IGSF10: variants seen among roughly 807,000 people sequenced by gnomAD.
IGSF10 encodes the protein calvaria mechanical force protein 608.
A neutral mutation model predicts 128.2 loss-of-function variants in IGSF10; 126 were observed. The ratio of observed to expected loss-of-function variants is 0.98; its 90% CI spans 0.85 to 1.14. IGSF10 has a LOEUF of 1.14. IGSF10 is among the 50% of genes most tolerant of loss of function. IGSF10 has a pLI of 0.00. For missense variants in IGSF10, 3,295 were observed against 3,149.8 expected (o/e 1.05, Z -1.10); for synonymous variants, 1,185 against 1,146.2 (o/e 1.03, Z -0.68).
chr3:151,612,258 A>T, the IGSF10 span, among the ~76,000 whole-genome samples: 1 of 152,182 alleles, frequency 6.6e-6, no homozygotes, highest in Non-Finnish European at 1.5e-5. Context: ...AATGAATTGA[A>T]AAACATTTCC....
the IGSF10 span, among the ~76,000 whole-genome samples, chr3:151,539,813 T>TATCA: frequency 1.4e-5 from 2 of 143,612 alleles, no homozygotes; most frequent in African/African-American, 2.6e-5. Context: ...TCTATCTATC[T>TATCA]ATCATCTATC....
chr3:151,435,552 T>TA (rs1392813050), downstream of IGSF10: 2 of 152,142 alleles, frequency 1.3e-5, no homozygotes, highest in African/African-American at 4.8e-5. Flanking sequence ...TTATTAGTAA[T>TA]TCTCGGTTTT....
In IGSF10 at chr3:151,446,687, TGGG is replaced by T. The variant is rs1721214435; in HGVS notation, c.3291_3293del (p.Pro1098del). ...GGACTAGAGTTGTAGACTCTTCTGATGGGACTCTAGCAATGTCAGCTTTGGGGA... is the reference window on the plus strand; with the variant it reads ...GGACTAGAGTTGTAGACTCTTCTGATACTCTAGCAATGTCAGCTTTGGGGA... On this transcript the variant is annotated inframe_deletion, in exon 6 of 8. Transcript: ENST00000282466. 10 of 1,613,986 alleles carry T rather than the reference TGGG, an allele frequency of 6.2e-6. No individual in the cohort carries two copies. Among genetic ancestry groups the T allele is most frequent in the African/African-American group, 1.3e-5 (1 of 74,926 alleles).
chr3:151,448,653 G>A lies in IGSF10; in HGVS notation c.1328C>T (p.Thr443Ile), dbSNP rs768865681. 9 of 1,613,928 alleles carry A rather than the reference G, an allele frequency of 5.6e-6. No individual in the cohort carries two copies. Among genetic ancestry groups the A allele is most frequent in the Non-Finnish European group, 7.6e-6 (9 of 1,179,992 alleles). Residue 443 changes from threonine (T) to isoleucine (I), a missense_variant, in exon 6 of 8, where the codon ACC becomes ATC. Coordinates refer to ENST00000282466, the MANE Select transcript of IGSF10 (RefSeq NM_178822.5). The stretch of plus-strand genomic sequence containing the variant: ...CTGGATCTGTAATGTACTGAATGTG[G>A]TGGCAGTTCTGTTCAGCTGCAAGGA... ...QISLQLNRTA[T>I]TFSTLQIQYS...
chr3:151,577,648 A>C, the IGSF10 span, among the ~76,000 whole-genome samples: 1 of 151,976 alleles, frequency 6.6e-6, no homozygotes, highest in Admixed American at 6.6e-5. Flanking sequence ...CTAAACCAAC[A>C]CCAATAAAAA....
At chr3:151,610,482 A>T in the IGSF10 span, among the ~76,000 whole-genome samples, 425 of 152,328 alleles carry the variant, frequency 2.8e-3, no homozygotes, top group African/African-American at 9.5e-3. Context: ...TATAGGTGTG[A>T]TAGCTAGTCA....
chr3:151,532,113 C>G, the IGSF10 span, among the ~76,000 whole-genome samples: 1 of 152,204 alleles, frequency 6.6e-6, no homozygotes, highest in African/African-American at 2.4e-5. Flanking sequence ...ATACACCCTC[C>G]CAAGACTAAA....
At chr3:151,444,230 C>T (rs1252900900) in intron 6 of IGSF10, among the ~76,000 whole-genome samples, 1 of 152,006 alleles carries the variant, frequency 6.6e-6, no homozygotes. Context: ...CACTGCACTC[C>T]ACCCTAGGTG....
Position 151,438,563 on chromosome 3 carries a change from A to G in IGSF10, c.5998T>C (p.Ser2000Pro). 6.2e-7 allele frequency: 1 copy of G among 1,613,746 alleles called. No homozygotes were observed. Among genetic ancestry groups the G allele is most frequent in the Non-Finnish European group, 8.5e-7 (1 of 1,180,002 alleles). Residue 2000 changes from serine to proline, a missense_variant, in exon 8 of 8, where the codon TCC becomes CCC. Physicochemically the swap from Ser to Pro is moderately conservative, Grantham distance 74 (BLOSUM62 -1). Coordinates refer to ENST00000282466, the MANE Select transcript of IGSF10 (RefSeq NM_178822.5). ...TCTGTTACTGATCCAATAAACAGGG[A>G]TCCATTAGGGTAGACGTGGATCCAG... ...GSWIHVYPNG[S>P]LFIGSVTEKD... is the part of the protein sequence containing the mutation.
the IGSF10 span, among the ~76,000 whole-genome samples, chr3:151,591,142 G>T: frequency 6.6e-6 from 1 of 151,982 alleles, no homozygotes; most frequent in East Asian, 1.9e-4. Flanking sequence ...TTCCCAAAAT[G>T]TCAGAACATT....
At chr3:151,599,838 T>C in the IGSF10 span, among the ~76,000 whole-genome samples, 1 of 152,324 alleles carries the variant, frequency 6.6e-6, no homozygotes, top group East Asian at 1.9e-4. Flanking sequence ...CCTGACTCTT[T>C]ACAGAATAAG....
chr3:151,549,969 C>T, the IGSF10 span, among the ~76,000 whole-genome samples: 1 of 151,818 alleles, frequency 6.6e-6, no homozygotes, highest in Non-Finnish European at 1.5e-5. Flanking sequence ...AATAAATATA[C>T]ATGTTGATTG....
the IGSF10 span, among the ~76,000 whole-genome samples, chr3:151,507,427 T>C: frequency 1.3e-5 from 2 of 152,200 alleles, no homozygotes; most frequent in Non-Finnish European, 2.9e-5. Context: ...TCTTAAAATA[T>C]CTGAGTAATC....
At chr3:151,515,380 A>G in the IGSF10 span, among the ~76,000 whole-genome samples, 23 of 149,374 alleles carry the variant, frequency 1.5e-4, no homozygotes, top group East Asian at 3.4e-3. Flanking sequence ...AGAAAAACCA[A>G]ACACCGCATA....
the IGSF10 span, among the ~76,000 whole-genome samples, chr3:151,498,955 T>C: frequency 2.0e-5 from 3 of 152,164 alleles, no homozygotes; most frequent in South Asian, 2.1e-4. Context: ...TTGTTTTTAA[T>C]AGGATTTTTT....
At chr3:151,510,691 A>C in the IGSF10 span, among the ~76,000 whole-genome samples, 1 of 152,218 alleles carries the variant, frequency 6.6e-6, no homozygotes, top group Non-Finnish European at 1.5e-5. Flanking sequence ...GTGTGAACCA[A>C]TGGCAAAGAA....
At chr3:151,463,521 TG>T (rs1169812257), upstream of IGSF10, among the ~76,000 whole-genome samples, 1 of 136,056 alleles carries the variant, frequency 7.3e-6, no homozygotes, top group Non-Finnish European at 1.5e-5. Flanking sequence ...TTACATTTTC[TG>T]GTTTTTTTTT....
the IGSF10 span, among the ~76,000 whole-genome samples, chr3:151,570,400 T>C: frequency 6.6e-6 from 1 of 152,196 alleles, no homozygotes; most frequent in Admixed American, 6.5e-5. Flanking sequence ...GCACCTGTTG[T>C]TTCCTGTCTT....
the IGSF10 span, among the ~76,000 whole-genome samples, chr3:151,593,276 C>T: frequency 6.6e-6 from 1 of 152,206 alleles, no homozygotes; most frequent in Non-Finnish European, 1.5e-5. Flanking sequence ...CCATACCTGG[C>T]TAATTTTTGT....
Sources: gnomAD v4.1 joint callset for allele counts (sites outside exome capture counted in the v4.1 genomes callset) on GRCh38, gnomAD v4.1.1 for gene constraint, MANE v1.5 for transcripts, NCBI Gene and HGNC (gene_info 2026-07-23, HGNC 2026-07-21) for gene names.